The following SMC5 variants were observed in gnomAD, a reference collection of about 807,000 sequenced individuals.
SMC5 encodes the protein structural maintenance of chromosomes protein 5.
A neutral mutation model predicts 148.3 loss-of-function variants in SMC5; 88 were observed. The observed-to-expected ratio is 0.59, with a 90% CI of 0.50 to 0.71. SMC5 has a LOEUF of 0.71. SMC5 is among the 30% of genes least tolerant of loss of function. The pLI, the probability that SMC5 is intolerant of heterozygous loss-of-function variation, is 0.00. For missense variants in SMC5, 1,142 were observed against 1,298.9 expected, an observed-to-expected ratio of 0.88 and a Z score of 1.86; for synonymous variants, 421 against 432.8, an observed-to-expected ratio of 0.97 and a Z score of 0.34.
At chr9:70,344,293 C>T in intron 18 of SMC5, 24 bp downstream of exon 18, 1 of 1,386,736 alleles carries the variant, frequency 7.2e-7, no homozygotes, top group Non-Finnish European at 9.5e-7. Context: ...GTATATAATG[C>T]TACAATTGCC....
At chr9:70,323,964 T>C in intron 16 of SMC5, 57 bp from the exon 17 acceptor site, 2 of 1,402,102 alleles carry the variant, frequency 1.4e-6, no homozygotes, top group Non-Finnish European at 1.9e-6. Flanking sequence ...CTATACATTT[T>C]TTAGTTCTAA....
At chr9:70,323,644 A>C (rs769749817) in intron 16 of SMC5, 38 bp downstream of exon 16, 1 of 1,587,570 alleles carries the variant, frequency 6.3e-7, no homozygotes, top group South Asian at 1.2e-5. Flanking sequence ...TTTTTAAAGG[A>C]AATAGCGGGC....
intron 8 of SMC5, among the ~76,000 whole-genome samples, chr9:70,295,328 GGGCGTGGT>G (rs2035170010): frequency 6.6e-6 from 1 of 151,952 alleles, no homozygotes; most frequent in Admixed American, 6.6e-5. Context: ...AAAATTAGCC[GGGCGTGGT>G]GGCGGGTGCC....
intron 13 of SMC5, among the ~76,000 whole-genome samples, chr9:70,318,265 G>GT (rs747726638): frequency 1.8e-4 from 28 of 152,108 alleles, no homozygotes; most frequent in Non-Finnish European, 3.7e-4. Flanking sequence ...GCACATGCCT[G>GT]TAGTCCCATC....
chr9:70,274,736 G>A (rs978430570), intron 3 of SMC5, among the ~76,000 whole-genome samples: 1 of 151,344 alleles, frequency 6.6e-6, no homozygotes, highest in Non-Finnish European at 1.5e-5. Flanking sequence ...CTTTTGTCTT[G>A]GAAATTAGGC....
Position 70,352,656 on chromosome 9 carries a change from T to C in SMC5, c.*325T>C, listed in dbSNP as rs146901003. On this transcript the variant is annotated 3_prime_UTR_variant, in exon 25 of 25. Transcript: ENST00000361138. ...AGGGTTAATCACAAGAAGTTACTTATATGGTAGCCCTGAGCTTTAATTGCA... is the reference window on the plus strand; with the variant it reads ...AGGGTTAATCACAAGAAGTTACTTACATGGTAGCCCTGAGCTTTAATTGCA... 5.4e-4 allele frequency: 109 copies of C among 201,486 alleles called. 1 individual carries two copies. Among genetic ancestry groups the C allele is most frequent in the African/African-American group, 2.4e-3 (102 of 43,296 alleles). The allele number at this position is 201,486 out of a possible 1,614,324, so 12.5% of individuals were successfully genotyped here.
chr9:70,337,725 G>C (rs781037756), intron 17 of SMC5, among the ~76,000 whole-genome samples: 29 of 152,016 alleles, frequency 1.9e-4, no homozygotes, highest in Non-Finnish European at 3.5e-4. Flanking sequence ...CAAAGTGCTA[G>C]GATTACAGGT....
chr9:70,332,085 A>T (rs2036232833), intron 17 of SMC5, among the ~76,000 whole-genome samples: 1 of 152,178 alleles, frequency 6.6e-6, no homozygotes, highest in South Asian at 2.1e-4. Context: ...TTAACACTAA[A>T]CTACCAAAGG....
rs1229629787 is a variant in SMC5, at chr9:70,264,462, A to C, written c.327+17A>C. The C allele has an allele frequency of 6.2e-7, 1 of 1,610,536 alleles. No homozygotes were observed. The highest frequency in any genetic ancestry group is 1.3e-5 in the African/African-American group (1 of 74,784). On this transcript the variant is annotated intron_variant, in intron 2 of 24. Coordinates refer to ENST00000361138, the MANE Select transcript of SMC5 (RefSeq NM_015110.4). ...GCAGATAAGGTGAGTTAATATAATT[A>C]CTTTTTAAGAAATTTCAAACCTATT...
chr9:70,293,734 T>G (rs2035126449), intron 8 of SMC5, among the ~76,000 whole-genome samples: 1 of 152,174 alleles, frequency 6.6e-6, no homozygotes, highest in Non-Finnish European at 1.5e-5. Context: ...TTAGACTATT[T>G]CTAGTTTTGG....
intron 17 of SMC5, among the ~76,000 whole-genome samples, chr9:70,336,945 GAAGAC>G (rs1364612981): frequency 6.6e-6 from 1 of 152,188 alleles, no homozygotes; most frequent in Admixed American, 6.5e-5. Context: ...AATCATGGCG[GAAGAC>G]AAGGAGGAGC....
rs1353392960 is a variant in SMC5 at position 70,352,547 on chromosome 9, G to A, written c.*216G>A. The A allele has an allele frequency of 1.3e-5, 6 of 466,182 alleles. No homozygotes were observed. In the East Asian group the frequency reaches 2.0e-4, roughly 15 times the overall value. 28.9% of individuals were successfully genotyped at this position (466,182 alleles called of 1,614,324 possible). On this transcript the variant is annotated 3_prime_UTR_variant, in exon 25 of 25. Transcript: ENST00000361138. ...GTCTTCTTCAGTCTTGGTTGAACTTGAGTTCTTGGCACTCTGACCATGAGT... is the reference window on the plus strand; with the variant it reads ...GTCTTCTTCAGTCTTGGTTGAACTTAAGTTCTTGGCACTCTGACCATGAGT...
In SMC5 at chr9:70,309,318, C is replaced by CT. The variant is rs59694037; in HGVS notation, c.1578+3989dup. Among the ~76,000 whole-genome samples the CT allele has an allele frequency of 7.3e-3, 577 of 79,094 alleles. 20 individuals carry two copies. The highest frequency in any genetic ancestry group is 0.024 in the African/African-American group (524 of 21,818). 51.9% of individuals were successfully genotyped at this position (79,094 alleles called of 152,430 possible). A position where few individuals can be genotyped will look rare whatever the true frequency, so the allele number is the denominator to read the frequency against. ...ATAGCAGAATTTCTTTTTCCTTTTC[C>CT]TTTTTTTTTTTTTTTTTTTTTTTTT... is the stretch of plus-strand genomic sequence containing the variant. On this transcript the variant is annotated intron_variant, in intron 11 of 24. Transcript: ENST00000361138.
At chr9:70,260,491 TTG>T (rs1385039656) in intron 1 of SMC5, among the ~76,000 whole-genome samples, 1 of 151,818 alleles carries the variant, frequency 6.6e-6, no homozygotes, top group Non-Finnish European at 1.5e-5. Context: ...CAAGCACCTA[TTG>T]TGTGCCAGGT....
chr9:70,327,278 C>G (rs1283666111), intron 17 of SMC5, among the ~76,000 whole-genome samples: 1 of 152,154 alleles, frequency 6.6e-6, no homozygotes, highest in Non-Finnish European at 1.5e-5. Context: ...TCAGAGATGA[C>G]TTGGTTATCA....
intron 12 of SMC5, 133 bp from the exon 13 acceptor site, chr9:70,315,310 AAAG>A (rs2035766898): frequency 1.9e-6 from 1 of 519,014 alleles, no homozygotes; most frequent in Non-Finnish European, 3.1e-6. Flanking sequence ...TTAAAATATA[AAAG>A]AAAAAAGACT....
intron 1 of SMC5, among the ~76,000 whole-genome samples, chr9:70,262,407 A>G (rs572331369): frequency 4.0e-4 from 61 of 152,352 alleles, no homozygotes; most frequent in Middle Eastern, 3.4e-3. Flanking sequence ...CAGATTTACA[A>G]TTCTACCAGC....
intron 17 of SMC5, among the ~76,000 whole-genome samples, chr9:70,338,786 A>G (rs149892751): frequency 3.9e-5 from 6 of 152,240 alleles, no homozygotes; most frequent in South Asian, 2.1e-4. Context: ...AAGTAACTTT[A>G]CTTAATACTA....
At chr9:70,307,150 T>TCCC (rs2035525051) in intron 11 of SMC5, among the ~76,000 whole-genome samples, 1 of 152,200 alleles carries the variant, frequency 6.6e-6, no homozygotes, top group African/African-American at 2.4e-5. Flanking sequence ...CCCAGCACTT[T>TCCC]AGGAGGCCAA....
Sources: allele counts gnomAD v4.1 joint callset (sites outside exome capture counted in the v4.1 genomes callset), GRCh38; gene constraint gnomAD v4.1.1; transcripts MANE v1.5; gene names NCBI Gene and HGNC (gene_info 2026-07-23, HGNC 2026-07-21).